MGAT4A: variants seen among roughly 807,000 people sequenced by gnomAD.
The protein encoded by MGAT4A is alpha-1,3-mannosyl-glycoprotein 4-beta-N-acetylglucosaminyltransferase A.
A neutral mutation model predicts 74.1 loss-of-function variants in MGAT4A; 33 were observed. The observed-to-expected ratio is 0.45, with a 90% CI of 0.34 to 0.60. The LOEUF is 0.60. Ranked by LOEUF, MGAT4A falls within the 20% of genes least tolerant of loss-of-function variation. MGAT4A has a pLI of 0.02. For missense variants in MGAT4A, 479 were observed against 628.3 expected (o/e 0.76, Z 2.54); for synonymous variants, 198 against 210.4 (o/e 0.94, Z 0.51).
chr2:98,689,914 A>G (rs1016930177), intron 2 of MGAT4A, among the ~76,000 whole-genome samples: 1 of 152,134 alleles, frequency 6.6e-6, no homozygotes, highest in East Asian at 1.9e-4. Context: ...CCAAGAAACA[A>G]CACAGTAGTG....
chr2:98,673,520 A>G (rs928558475), intron 4 of MGAT4A, among the ~76,000 whole-genome samples: 1 of 152,142 alleles, frequency 6.6e-6, no homozygotes, highest in Non-Finnish European at 1.5e-5. Context: ...TATTTTTTCT[A>G]CCAAGCTGTT....
chr2:98,621,421 C>T lies in MGAT4A; in HGVS notation c.*4145G>A, dbSNP rs1701058960. The T allele has an allele frequency of 6.4e-7, 1 of 1,551,358 alleles. No homozygotes were observed. Among genetic ancestry groups the T allele is most frequent in the Non-Finnish European group, 8.7e-7 (1 of 1,146,804 alleles). On this transcript the variant is annotated 3_prime_UTR_variant, in exon 16 of 16. Transcript: ENST00000393487. ...CCATGTGCATTCCTTCTCATGCAGCCCCCTCTACCTTAAAACAGCAATGGT... is the reference window on the plus strand; with the variant it reads ...CCATGTGCATTCCTTCTCATGCAGCTCCCTCTACCTTAAAACAGCAATGGT...
Position 98,625,069 on chromosome 2 carries a change from C to T in MGAT4A, c.*497G>A. On this transcript the variant is annotated 3_prime_UTR_variant, in exon 16 of 16. Transcript: ENST00000393487. The stretch of plus-strand genomic sequence containing the variant: ...CTGGTTTTCAAAAAAAGTATCGATT[C>T]AAAAATCTACTGCACAAAAATATGT... 1.0e-6 allele frequency: 1 copy of T among 975,542 alleles called. No homozygotes were observed. Among genetic ancestry groups the T allele is most frequent in the Non-Finnish European group, 1.2e-6 (1 of 820,908 alleles). 60.4% of individuals were successfully genotyped at this position (975,542 alleles called of 1,614,324 possible). A position where few individuals can be genotyped will look rare whatever the true frequency, so the allele number is the denominator to read the frequency against.
intron 2 of MGAT4A, among the ~76,000 whole-genome samples, chr2:98,699,414 G>T (rs1394210602): frequency 6.6e-6 from 1 of 152,112 alleles, no homozygotes; most frequent in Non-Finnish European, 1.5e-5. Context: ...GCCAGCCGAG[G>T]ACCAGCCTTT....
At chr2:98,683,998 TG>T (rs1238279696) in intron 2 of MGAT4A, among the ~76,000 whole-genome samples, 1 of 152,210 alleles carries the variant, frequency 6.6e-6, no homozygotes, top group African/African-American at 2.4e-5. Flanking sequence ...AACTCCATTC[TG>T]CCACATTAAA....
chr2:98,641,053 G>A (rs1297454249), intron 10 of MGAT4A, among the ~76,000 whole-genome samples: 1 of 152,088 alleles, frequency 6.6e-6, no homozygotes, highest in Non-Finnish European at 1.5e-5. Flanking sequence ...GTTTCAACTC[G>A]TAGTGCCCCA....
intron 10 of MGAT4A, among the ~76,000 whole-genome samples, 163 bp from the exon 11 acceptor site, chr2:98,640,391 C>T (rs1701388396): frequency 1.3e-5 from 2 of 152,118 alleles, no homozygotes; most frequent in Non-Finnish European, 2.9e-5. Context: ...AGGTGGATCA[C>T]CTGAGGTCAG....
intron 2 of MGAT4A, among the ~76,000 whole-genome samples, chr2:98,683,097 A>C (rs555250442): frequency 6.6e-6 from 1 of 151,534 alleles, no homozygotes; most frequent in African/African-American, 2.4e-5. Context: ...AAAAAAAAAA[A>C]CAAAAAAAAT....
intron 4 of MGAT4A, among the ~76,000 whole-genome samples, chr2:98,669,324 AAGG>A (rs1440252125): frequency 6.6e-6 from 1 of 152,100 alleles, no homozygotes; most frequent in African/African-American, 2.4e-5. Context: ...ATGGTTTTAA[AAGG>A]AGGAGTTCCC....
At chr2:98,727,960 T>A (rs1423700817) in intron 1 of MGAT4A, among the ~76,000 whole-genome samples, 3 of 152,154 alleles carry the variant, frequency 2.0e-5, no homozygotes, top group African/African-American at 7.2e-5. Flanking sequence ...TTTGTTTGTC[T>A]CCAAAGTCCA....
At chr2:98,683,216 T>TGGATCCTGGACC (rs1702087610) in intron 2 of MGAT4A, among the ~76,000 whole-genome samples, 1 of 152,220 alleles carries the variant, frequency 6.6e-6, no homozygotes, top group Admixed American at 6.5e-5. Context: ...TGTCCTGGAC[T>TGGATCCTGGACC]GGATCCTGGA....
chr2:98,651,433 T>C (rs934439867), intron 8 of MGAT4A, among the ~76,000 whole-genome samples: 10 of 152,144 alleles, frequency 6.6e-5, no homozygotes, highest in Non-Finnish European at 1.5e-4. Flanking sequence ...ATTGGTAAAA[T>C]AGAGTGCAGG....
rs560973320 is a variant in MGAT4A, at chr2:98,625,519, TTTAA to T, written c.*43_*46del. 1.1e-3 allele frequency: 1,763 copies of T among 1,601,704 alleles called. 2 individuals are homozygous for T. The highest frequency in any genetic ancestry group is 2.3e-3 in the South Asian group (206 of 88,446). On this transcript the variant is annotated 3_prime_UTR_variant, in exon 16 of 16. Transcript: ENST00000393487. Reference sequence around the variant, plus strand: ...AAAAAAAGATACATGCTTAACTATCTTTAATTAACAAATTCACAGGAAAAAATGT... The same window carrying T: ...AAAAAAAGATACATGCTTAACTATCTTTAACAAATTCACAGGAAAAAATGT...
At chr2:98,702,649 A>G (rs974417189) in intron 2 of MGAT4A, among the ~76,000 whole-genome samples, 26 of 152,342 alleles carry the variant, frequency 1.7e-4, no homozygotes, top group African/African-American at 6.3e-4. Flanking sequence ...TGTGCTCCAC[A>G]GTCCAACAGG....
At chr2:98,712,034 C>A (rs1253004105) in intron 2 of MGAT4A, among the ~76,000 whole-genome samples, 1 of 152,170 alleles carries the variant, frequency 6.6e-6, no homozygotes, top group East Asian at 1.9e-4. Flanking sequence ...CTGCTACCAT[C>A]CCTGCTCCCA....
At position 98,622,790 on chromosome 2, in the gene MGAT4A, A is replaced by T. The variant is rs1025448760; in HGVS notation, c.*2776T>A. 2 of 985,524 alleles carry T rather than the reference A, an allele frequency of 2.0e-6. No individual in the cohort carries two copies. Among genetic ancestry groups the T allele is most frequent in the Middle Eastern group, 5.2e-4 (1 of 1,936 alleles). 61.0% of individuals were successfully genotyped at this position (985,524 alleles called of 1,614,324 possible). A position where few individuals can be genotyped will look rare whatever the true frequency, so the allele number is the denominator to read the frequency against. On this transcript the variant is annotated 3_prime_UTR_variant, in exon 16 of 16. Coordinates refer to ENST00000393487, the MANE Select transcript of MGAT4A (RefSeq NM_012214.3). ...GAGACAGCACACACCATACACACAA[A>T]CAATCAAAAACTAGACAACCGATTG... is the stretch of plus-strand genomic sequence containing the variant.
intron 12 of MGAT4A, among the ~76,000 whole-genome samples, chr2:98,638,699 G>C (rs1241066804): frequency 6.6e-6 from 1 of 152,222 alleles, no homozygotes; most frequent in African/African-American, 2.4e-5. Flanking sequence ...TCTTCCAGTG[G>C]TATTCCCAAT....
At position 98,698,306 on chromosome 2, in the gene MGAT4A, T is replaced by C. The variant is rs1439224793; in HGVS notation, c.95-19835A>G. Among the ~76,000 whole-genome samples the C allele has an allele frequency of 2.0e-5, 3 of 146,430 alleles. No individual in the cohort carries two copies. The Admixed American group carries it at 2.1e-4, about 10-fold the overall frequency. ...GATGTGCACCTGTAATCCCAGCTACTTGGGAGGCTGAGGCAGAAAAAAATC... is the reference window on the plus strand; with the variant it reads ...GATGTGCACCTGTAATCCCAGCTACCTGGGAGGCTGAGGCAGAAAAAAATC... On this transcript the variant is annotated intron_variant, in intron 2 of 15. Coordinates refer to ENST00000393487, the MANE Select transcript of MGAT4A (RefSeq NM_012214.3).
intron 2 of MGAT4A, among the ~76,000 whole-genome samples, chr2:98,704,364 T>C (rs1422717671): frequency 6.6e-6 from 1 of 152,112 alleles, no homozygotes; most frequent in Non-Finnish European, 1.5e-5. Context: ...CTGAGCAACA[T>C]GGCAAAACCC....
Sources: gnomAD v4.1 joint callset for allele counts (sites outside exome capture counted in the v4.1 genomes callset) on GRCh38, gnomAD v4.1.1 for gene constraint, MANE v1.5 for transcripts, NCBI Gene and HGNC (gene_info 2026-07-23, HGNC 2026-07-21) for gene names.